TRPM1: variants seen among roughly 807,000 people sequenced by gnomAD.
TRPM1 encodes the protein transient receptor potential cation channel subfamily M member 1.
In TRPM1, 113 loss-of-function variants were observed where a neutral mutation model predicts 149.4. That is an observed-to-expected ratio of 0.76 (90% CI 0.65 to 0.88). The LOEUF (loss-of-function observed/expected upper bound fraction) is 0.88, where lower values mean the gene tolerates loss of function less well. TRPM1 is among the 40% of genes least tolerant of loss of function. TRPM1 has a pLI of 0.00. For missense variants in TRPM1, 1,976 were observed against 2,038.7 expected (o/e 0.97, Z 0.59); for synonymous variants, 741 against 759.5 (o/e 0.98, Z 0.40).
intron 1 of TRPM1, among the ~76,000 whole-genome samples, chr15:31,088,973 A>T (rs2035120162): frequency 2.0e-5 from 3 of 152,202 alleles, no homozygotes; most frequent in Admixed American, 2.0e-4. Flanking sequence ...GGCTCCCAGC[A>T]CTTTCTTGGC....
chr15:31,116,701 A>ACC (rs943717396), intron 1 of TRPM1, among the ~76,000 whole-genome samples: 4 of 152,188 alleles, frequency 2.6e-5, no homozygotes, highest in African/African-American at 9.7e-5. Flanking sequence ...CCAGAGGGTC[A>ACC]CAGCTGAAAA....
chr15:31,023,012 TCAAAAACAAAAA>T (rs562360463), intron 27 of TRPM1, among the ~76,000 whole-genome samples: 5 of 152,110 alleles, frequency 3.3e-5, no homozygotes, highest in African/African-American at 9.7e-5. Flanking sequence ...AGACCTTGTC[TCAAAAACAAAAA>T]CAAAAACAAA....
chr15:31,155,287 G>C (rs1465401991), intron 1 of TRPM1, among the ~76,000 whole-genome samples: 3 of 152,192 alleles, frequency 2.0e-5, no homozygotes, highest in Non-Finnish European at 4.4e-5. Context: ...GGGCGTGCCT[G>C]CTACTCAGTT....
intron 1 of TRPM1, among the ~76,000 whole-genome samples, chr15:31,088,533 G>A (rs2035076775): frequency 6.6e-6 from 1 of 152,182 alleles, no homozygotes; most frequent in Non-Finnish European, 1.5e-5. Flanking sequence ...CCACCTTTAA[G>A]AGCTGTAACA....
At chr15:31,059,560 C>G (rs1596026291) in intron 11 of TRPM1, among the ~76,000 whole-genome samples, 1 of 152,132 alleles carries the variant, frequency 6.6e-6, no homozygotes, top group African/African-American at 2.4e-5. Flanking sequence ...CATGCACTCC[C>G]ATGCCTGGCT....
In TRPM1 at chr15:31,028,438, G is replaced by A. The variant is rs184390324; in HGVS notation, c.3187C>T (p.Arg1063Trp). 2.0e-4 allele frequency: 320 copies of A among 1,613,914 alleles called. No individual in the cohort carries two copies. The highest frequency in any genetic ancestry group is 2.5e-4 in the Non-Finnish European group (300 of 1,180,038). Reference sequence around the variant, plus strand: ...GCGCCGGGGATACAGGGAGGAAGCCGCTTGCCCTCCTCATCATATAGGTTC... The same window carrying A: ...GCGCCGGGGATACAGGGAGGAAGCCACTTGCCCTCCTCATCATATAGGTTC... ...GENLYDEEGKRLPPCIPGAWL... is the reference protein window; with the variant it reads ...GENLYDEEGKWLPPCIPGAWL... The change falls in exon 25 of 28, where the codon CGG becomes TGG. Residue 1063 changes from arginine to tryptophan, a missense_variant. Physicochemically the swap from Arg to Trp is moderately radical, Grantham distance 101. Around this residue, in one of 3 missense-constraint regions of TRPM1, gnomAD observed 1,332 missense variants for 1,347.1 expected, o/e 0.99. Coordinates refer to ENST00000256552, the MANE Select transcript of TRPM1 (RefSeq NM_001252024.2).
chr15:31,120,723 A>AC (rs996420499), intron 1 of TRPM1, among the ~76,000 whole-genome samples: 1 of 110,052 alleles, frequency 9.1e-6, no homozygotes, highest in African/African-American at 3.1e-5. Context: ...ATGGAATTAG[A>AC]CCAAAAAAAA....
Position 31,047,196 on chromosome 15 carries a change from T to A in TRPM1, c.1679A>T (p.Glu560Val), listed in dbSNP as rs757975388. The change falls in exon 15 of 28, where the codon GAG (glutamate) becomes GTG (valine). Residue 560 changes from glutamate (E) to valine (V), a missense_variant. Glu to Val is a moderately radical substitution (Grantham distance 121, BLOSUM62 -2). This residue lies in a region of TRPM1 where 1,332 missense variants were observed against 1,347.1 expected (regional missense o/e 0.99). Coordinates refer to ENST00000256552, the MANE Select transcript of TRPM1 (RefSeq NM_001252024.2). Reference protein sequence around the residue: ...ISLIDIGLVLEYLMGGAYRCN... With the variant: ...ISLIDIGLVLVYLMGGAYRCN... ...GCGGTAGGCTCCTCCCATGAGGTAC[T>A]CCAGCACGAGCCCGATGTCTATGAG... The A allele has an allele frequency of 1.7e-5, 28 of 1,614,088 alleles. No individual in the cohort carries two copies. Among genetic ancestry groups the A allele is most frequent in the Non-Finnish European group, 2.3e-5 (27 of 1,180,052 alleles).
At chr15:31,091,278 C>A (rs574825084) in intron 1 of TRPM1, among the ~76,000 whole-genome samples, 1 of 152,366 alleles carries the variant, frequency 6.6e-6, no homozygotes, top group East Asian at 1.9e-4. Context: ...ACAGCCCTAA[C>A]AGTGCTGGAC....
chr15:31,107,311 A>G (rs1478112081), intron 1 of TRPM1, among the ~76,000 whole-genome samples: 1 of 152,090 alleles, frequency 6.6e-6, no homozygotes, highest in Non-Finnish European at 1.5e-5. Context: ...GAATTTGTCC[A>G]TTTCATCCAG....
intron 27 of TRPM1, among the ~76,000 whole-genome samples, chr15:31,017,855 A>T (rs2032420252): frequency 6.6e-6 from 1 of 152,184 alleles, no homozygotes; most frequent in Non-Finnish European, 1.5e-5. Flanking sequence ...AACTTCCAAG[A>T]GAATACCTAT....
Position 31,062,578 on chromosome 15 carries a change from C to T in TRPM1, c.1089+1G>A, listed in dbSNP as rs1430815251. The T allele has an allele frequency of 1.2e-5, 20 of 1,613,958 alleles. No homozygotes were observed. Among genetic ancestry groups the T allele is most frequent in the Admixed American group, 5.0e-5 (3 of 60,008 alleles). ...TTTGGAAATAAATTCAAGACACTTA[C>T]GAGTTCTTTCTTCTTCATGCACTCC... On this transcript the variant is annotated splice_donor_variant, in intron 9 of 27. Transcript: ENST00000256552. LOFTEE classifies it high-confidence loss of function.
At chr15:31,041,841 T>G in intron 17 of TRPM1, 110 bp downstream of exon 17, 1 of 1,219,454 alleles carries the variant, frequency 8.2e-7, no homozygotes. Context: ...TGAACAAGCT[T>G]TAACCACCAT....
At chr15:31,128,470 G>T (rs1400327927) in intron 1 of TRPM1, among the ~76,000 whole-genome samples, 1 of 152,204 alleles carries the variant, frequency 6.6e-6, no homozygotes, top group Non-Finnish European at 1.5e-5. Context: ...CTGCACAGGT[G>T]CACACCCCAT....
intron 27 of TRPM1, among the ~76,000 whole-genome samples, chr15:31,012,305 G>A (rs766784403): frequency 2.2e-4 from 33 of 152,104 alleles, no homozygotes; most frequent in Admixed American, 1.5e-3. Flanking sequence ...AGGTTTGCTA[G>A]TAATGAATTC....
In TRPM1 at chr15:31,127,948, G is replaced by A. The variant is rs1337103809; in HGVS notation, c.54+32958C>T. Among the ~76,000 whole-genome samples the A allele has an allele frequency of 2.6e-5, 4 of 152,228 alleles. No homozygotes were observed. The East Asian group carries it at 7.7e-4, about 29-fold the overall frequency. The stretch of plus-strand genomic sequence containing the variant: ...GTCTGTGCCTGGAGTCCAGGAGAAA[G>A]CGCTGGCATTCTTTCCCTCGACTCA... On this transcript the variant is annotated intron_variant, in intron 1 of 26. Transcript: ENST00000542188.
intron 1 of TRPM1, among the ~76,000 whole-genome samples, chr15:31,155,613 C>A (rs1207526103): frequency 1.3e-5 from 2 of 151,876 alleles, no homozygotes; most frequent in Non-Finnish European, 2.9e-5. Context: ...AAGTGAAGAC[C>A]CACAATTCTG....
At chr15:31,046,341 CT>C in intron 15 of TRPM1, 108 bp from the exon 16 acceptor site, 1 of 1,007,460 alleles carries the variant, frequency 9.9e-7, no homozygotes, top group East Asian at 2.4e-5. Flanking sequence ...TTAAAAAGCA[CT>C]TTGTATCATT....
chr15:31,109,162 G>A (rs1213056939), intron 1 of TRPM1, among the ~76,000 whole-genome samples: 1 of 151,830 alleles, frequency 6.6e-6, no homozygotes, highest in East Asian at 1.9e-4. Context: ...GGGAGAGGGA[G>A]CTTTCAAAAG....
Sources: gnomAD v4.1 joint callset for allele counts (sites outside exome capture counted in the v4.1 genomes callset) on GRCh38, gnomAD v4.1.1 for gene constraint, gnomAD v4.1.1 regional missense constraint, MANE v1.5 for transcripts, NCBI Gene and HGNC (gene_info 2026-07-23, HGNC 2026-07-21) for gene names.